MARCHF5: variants seen among roughly 807,000 people sequenced by gnomAD.
The protein encoded by MARCHF5 is membrane associated ring-CH-type finger 5, also known as E3 ubiquitin-protein ligase MARCHF5.
A neutral mutation model predicts 36.5 loss-of-function variants in MARCHF5; 5 were observed. That is an observed-to-expected ratio of 0.14 (90% CI 0.07 to 0.29). The LOEUF is 0.29. Ranked by LOEUF, MARCHF5 falls within the 10% of genes least tolerant of loss-of-function variation. The pLI is 1.00. For missense variants in MARCHF5, 179 were observed against 336.3 expected, an observed-to-expected ratio of 0.53 and a Z score of 3.66; for synonymous variants, 103 against 109.9, an observed-to-expected ratio of 0.94 and a Z score of 0.39.
intron 1 of MARCHF5, among the ~76,000 whole-genome samples, chr10:92,294,320 A>G (rs937081198): frequency 6.6e-6 from 1 of 152,234 alleles, no homozygotes; most frequent in Non-Finnish European, 1.5e-5. Context: ...ACCCTACTTC[A>G]CAGGGCTACA....
chr10:92,345,762 C>T (rs1318110615), intron 3 of MARCHF5, among the ~76,000 whole-genome samples: 10 of 146,398 alleles, frequency 6.8e-5, no homozygotes, highest in African/African-American at 1.5e-4. Context: ...GGCGCAGTCA[C>T]GGCTCACTGC....
chr10:92,335,589 G>T (rs1313001934), intron 2 of MARCHF5, among the ~76,000 whole-genome samples: 2 of 152,164 alleles, frequency 1.3e-5, no homozygotes, highest in East Asian at 1.9e-4. Context: ...CTAGAATTAG[G>T]TGCTATAAAA....
chr10:92,352,096 T>C lies in MARCHF5; in HGVS notation c.*889T>C, dbSNP rs1474624853. The C allele has an allele frequency of 6.5e-6, 1 of 152,700 alleles. No homozygotes were observed. Among genetic ancestry groups the C allele is most frequent in the East Asian group, 1.9e-4 (1 of 5,182 alleles). The allele number at this position is 152,700 out of a possible 1,614,324, so 9.5% of individuals were successfully genotyped here. On this transcript the variant is annotated 3_prime_UTR_variant, in exon 6 of 6. Transcript: ENST00000358935. ...TATTTTACTCTCCTCTTGCATTGAT[T>C]CAGTTATTGAGATATTCGTTGATCA...
rs553585708 is a variant in MARCHF5, at chr10:92,352,882, A to T, written c.*1675A>T. The T allele has an allele frequency of 1.3e-5, 2 of 152,784 alleles. No individual in the cohort carries two copies. Among genetic ancestry groups the T allele is most frequent in the East Asian group, 3.9e-4 (2 of 5,186 alleles). The allele number at this position is 152,784 out of a possible 1,614,324, so 9.5% of individuals were successfully genotyped here. The stretch of plus-strand genomic sequence containing the variant: ...ATGGTTATATATTTTAAAAACTTAG[A>T]TTATAGGCTGTAATTATAAAATATA... On this transcript the variant is annotated 3_prime_UTR_variant, in exon 6 of 6. Transcript: ENST00000358935.
Position 92,353,746 on chromosome 10 carries a change from A to AATTCT in MARCHF5, c.*2540_*2544dup, listed in dbSNP as rs59053118. ...TATAAAATTCAATGACGACTACTAG[A>AATTCT]ATTCTTTTCAAAAGTTAACTTATCT... On this transcript the variant is annotated 3_prime_UTR_variant, in exon 6 of 6. Coordinates refer to ENST00000358935, the MANE Select transcript of MARCHF5 (RefSeq NM_017824.5). The AATTCT allele has an allele frequency of 0.66, 100,400 of 151,950 alleles. 34,539 individuals are homozygous for AATTCT. The highest frequency in any genetic ancestry group is 0.85 in the African/African-American group (35,106 of 41,334). The allele number at this position is 151,950 out of a possible 1,614,324, so 9.4% of individuals were successfully genotyped here.
chr10:92,301,537 G>A (rs1306776933), intron 1 of MARCHF5, among the ~76,000 whole-genome samples: 1 of 152,186 alleles, frequency 6.6e-6, no homozygotes, highest in African/African-American at 2.4e-5. Flanking sequence ...TTTAAGATGG[G>A]ATTAATTGTG....
At chr10:92,332,515 C>CTTTTTTTTTTTTTTT (rs34226671) in intron 2 of MARCHF5, among the ~76,000 whole-genome samples, 2 of 95,936 alleles carry the variant, frequency 2.1e-5, no homozygotes, top group Non-Finnish European at 2.0e-5. Context: ...ATTCCCCATC[C>CTTTTTTTTTTTTTTT]TTTTTTTTTT....
intron 1 of MARCHF5, among the ~76,000 whole-genome samples, chr10:92,302,829 G>C (rs1843032336): frequency 6.6e-6 from 1 of 152,198 alleles, no homozygotes; most frequent in South Asian, 2.1e-4. Flanking sequence ...AAATTGAGGA[G>C]TGCTTGTTCT....
intron 1 of MARCHF5, among the ~76,000 whole-genome samples, chr10:92,307,386 G>A (rs547740845): frequency 9.2e-5 from 14 of 152,178 alleles, no homozygotes; most frequent in African/African-American, 3.4e-4. Flanking sequence ...ATACTAGGTA[G>A]ATTAAATTTA....
At chr10:92,318,965 C>T (rs1229814306) in intron 2 of MARCHF5, among the ~76,000 whole-genome samples, 4 of 152,186 alleles carry the variant, frequency 2.6e-5, no homozygotes, top group Admixed American at 1.3e-4. Flanking sequence ...CCTCGGCCTC[C>T]TAAAGTGCTG....
intron 2 of MARCHF5, 54 bp from the exon 3 acceptor site, chr10:92,340,619 C>T: frequency 6.7e-7 from 1 of 1,497,156 alleles, no homozygotes; most frequent in Non-Finnish European, 9.0e-7. Flanking sequence ...TCAAACAAGT[C>T]ATTTTAAAAG....
chr10:92,347,404 G>A (rs1386302100), intron 3 of MARCHF5, among the ~76,000 whole-genome samples: 1 of 152,060 alleles, frequency 6.6e-6, no homozygotes, highest in East Asian at 1.9e-4. Context: ...AGAATAGCTT[G>A]AACTCAGGAG....
intron 1 of MARCHF5, among the ~76,000 whole-genome samples, chr10:92,302,555 C>T (rs1289837813): frequency 2.0e-5 from 3 of 151,576 alleles, no homozygotes; most frequent in African/African-American, 4.8e-5. Context: ...AGCGATTTTC[C>T]TGCCTCAGCC....
In MARCHF5 at chr10:92,352,099, GTTATTGAGATAT is replaced by G. The variant is rs1216310523; in HGVS notation, c.*894_*905del. 6.6e-6 allele frequency: 1 copy of G among 152,598 alleles called. No individual in the cohort carries two copies. Among genetic ancestry groups the G allele is most frequent in the Non-Finnish European group, 1.5e-5 (1 of 68,048 alleles). 9.5% of individuals were successfully genotyped at this position (152,598 alleles called of 1,614,324 possible). On this transcript the variant is annotated 3_prime_UTR_variant, in exon 6 of 6. Transcript: ENST00000358935. ...TTTACTCTCCTCTTGCATTGATTCAGTTATTGAGATATTCGTTGATCACCTCCTATTTCCCAG... is the reference window on the plus strand; with the variant it reads ...TTTACTCTCCTCTTGCATTGATTCAGTCGTTGATCACCTCCTATTTCCCAG...
chr10:92,313,546 A>G lies in MARCHF5; in HGVS notation c.238+2209A>G, dbSNP rs376585005. On this transcript the variant is annotated intron_variant, in intron 2 of 5. Coordinates refer to ENST00000358935, the MANE Select transcript of MARCHF5 (RefSeq NM_017824.5). ...CGTAAACCCGGGAGGCAGAGCTTGC[A>G]GTGAGCCAAGATAGCGCCACAGCAC... Among the ~76,000 whole-genome samples, 216 of 152,120 alleles carry G rather than the reference A, an allele frequency of 1.4e-3. 1 individual carries two copies. In the Middle Eastern group the frequency reaches 0.044, roughly 31 times the overall value.
chr10:92,306,583 T>G (rs1040710305), intron 1 of MARCHF5, among the ~76,000 whole-genome samples: 1 of 152,204 alleles, frequency 6.6e-6, no homozygotes, highest in Non-Finnish European at 1.5e-5. Flanking sequence ...ATAGCTCTTC[T>G]CCATCTTAAA....
At chr10:92,329,949 A>T (rs1288282983) in intron 2 of MARCHF5, among the ~76,000 whole-genome samples, 5 of 152,158 alleles carry the variant, frequency 3.3e-5, no homozygotes, top group African/African-American at 4.8e-5. Flanking sequence ...GGGTTCAAGC[A>T]GTTCTGCCTC....
chr10:92,306,590 TAAAAG>T (rs1399505755), intron 1 of MARCHF5, among the ~76,000 whole-genome samples: 1 of 152,132 alleles, frequency 6.6e-6, no homozygotes, highest in Admixed American at 6.5e-5. Flanking sequence ...TTCTCCATCT[TAAAAG>T]GAAGGGGGTA....
At chr10:92,302,438 CTTTTTTT>C (rs1564942999) in intron 1 of MARCHF5, among the ~76,000 whole-genome samples, 11 of 61,036 alleles carry the variant, frequency 1.8e-4, no homozygotes, top group South Asian at 7.6e-4. Flanking sequence ...TTTCTTTTTT[CTTTTTTT>C]TTCTTTTTTT....
Sources: gnomAD v4.1 joint callset for allele counts (sites outside exome capture counted in the v4.1 genomes callset) on GRCh38, gnomAD v4.1.1 for gene constraint, MANE v1.5 for transcripts, NCBI Gene and HGNC (gene_info 2026-07-23, HGNC 2026-07-21) for gene names.